C17orf107: variants seen among roughly 807,000 people sequenced by gnomAD.
The protein encoded by C17orf107 is uncharacterized protein C17orf107.
C17orf107 carries 9 observed loss-of-function variants against 8.9 expected under a neutral mutation model. The observed-to-expected ratio is 1.02, with a 90% CI of 0.61 to 1.77. The LOEUF (loss-of-function observed/expected upper bound fraction) is 1.77, where lower values mean the gene tolerates loss of function less well. Ranked by LOEUF, C17orf107 falls within the 40% of genes most tolerant of loss-of-function variation. The pLI, the probability that C17orf107 is intolerant of heterozygous loss-of-function variation, is 0.00. For synonymous variants in C17orf107, 139 were observed against 120.3 expected (o/e 1.16, Z -1.02); for missense variants, 281 against 249.0 (o/e 1.13, Z -0.86).
At chr17:4,899,899 C>G in intron 1 of C17orf107, 37 bp from the exon 2 acceptor site, 2 of 1,549,114 alleles carry the variant, frequency 1.3e-6, no homozygotes, top group Non-Finnish European at 1.7e-6. Context: ...CCCTGTGACC[C>G]CTGCCCTGCT....
downstream of C17orf107, among the ~76,000 whole-genome samples, chr17:4,904,550 C>A (rs539889281): frequency 5.3e-5 from 8 of 152,292 alleles, no homozygotes; most frequent in East Asian, 1.9e-4. Flanking sequence ...AGCATATTTT[C>A]TGCTTACATC....
chr17:4,900,801 G>C lies in C17orf107; in HGVS notation c.*268G>C. 1.2e-6 allele frequency: 2 copies of C among 1,613,738 alleles called. No individual in the cohort carries two copies. The highest frequency in any genetic ancestry group is 1.7e-6 in the Non-Finnish European group (2 of 1,179,800). On this transcript the variant is annotated 3_prime_UTR_variant, in exon 3 of 3. Transcript: ENST00000381365. ...GGGGGCTCCGGCTTCACCTGCCCAG[G>C]AGCGGCACGCTCAGAGAAGTCTCTG...
chr17:4,902,864 G>T lies in C17orf107; in HGVS notation c.*2331G>T. The T allele has an allele frequency of 6.3e-7, 1 of 1,583,200 alleles. No homozygotes were observed. The highest frequency in any genetic ancestry group is 1.3e-5 in the African/African-American group (1 of 74,322). On this transcript the variant is annotated 3_prime_UTR_variant, in exon 3 of 3. Transcript: ENST00000381365. This position sits in a 1 kb window ranked among gnomAD's most constrained non-coding sequence, Gnocchi z 4.0. Reference sequence around the variant, plus strand: ...GGTCCTCACAGGCCTCTGAGGCTGTGTACTATCAGTATCTGTCTCCTAAAC... The same window carrying T: ...GGTCCTCACAGGCCTCTGAGGCTGTTTACTATCAGTATCTGTCTCCTAAAC...
chr17:4,900,473 A>G lies in C17orf107; in HGVS notation c.513A>G (p.Gln171=), dbSNP rs746035995. ...CTGCCTCATTCCTGCGACAGTCGCAACAGCAGCTAGGCCTCGGAATCCCCG... is the reference window on the plus strand; with the variant it reads ...CTGCCTCATTCCTGCGACAGTCGCAGCAGCAGCTAGGCCTCGGAATCCCCG... ...QGSASFLRQS[Q]QQLGLGIPGE... The change falls in exon 3 of 3, where the codon CAA becomes CAG. Residue 171 remains glutamine, a synonymous_variant. Transcript: ENST00000381365. 35 of 1,551,008 alleles carry G rather than the reference A, an allele frequency of 2.3e-5. No homozygotes were observed. The highest frequency in any genetic ancestry group is 1.7e-4 in the Middle Eastern group (1 of 6,014).
In C17orf107 at chr17:4,902,167, C is replaced by G. The variant is rs759957588; in HGVS notation, c.*1634C>G. ...CCCCCTTCCCCAACCAAGTCCAGCC[C>G]GCACCCCAGGCCGGCTTCCCTCCAG... is the stretch of plus-strand genomic sequence containing the variant. On this transcript the variant is annotated 3_prime_UTR_variant, in exon 3 of 3. Transcript: ENST00000381365. The surrounding 1 kb of genome is among the most constrained non-coding windows in gnomAD (Gnocchi z 4.0). 1.5e-5 allele frequency: 24 copies of G among 1,613,618 alleles called. No homozygotes were observed. Among genetic ancestry groups the G allele is most frequent in the Non-Finnish European group, 2.0e-5 (24 of 1,179,566 alleles).
chr17:4,900,599 G>A lies in C17orf107; in HGVS notation c.*66G>A. On this transcript the variant is annotated 3_prime_UTR_variant, in exon 3 of 3. Coordinates refer to ENST00000381365, the MANE Select transcript of C17orf107 (RefSeq NM_001145536.2). ...TGTCCCCCAAGAGAGCTACTCGGGAGACCTCCAGGTGACGTCCAGCAGCAG... is the reference window on the plus strand; with the variant it reads ...TGTCCCCCAAGAGAGCTACTCGGGAAACCTCCAGGTGACGTCCAGCAGCAG... 5.8e-6 allele frequency: 9 copies of A among 1,539,202 alleles called. No individual in the cohort carries two copies. Among genetic ancestry groups the A allele is most frequent in the Non-Finnish European group, 7.9e-6 (9 of 1,138,740 alleles).
chr17:4,906,488 G>GA (rs542219490), downstream of C17orf107, among the ~76,000 whole-genome samples: 7 of 152,026 alleles, frequency 4.6e-5, no homozygotes, highest in Non-Finnish European at 8.8e-5. Context: ...GTGATTATGA[G>GA]AAAAAAAATC....
At chr17:4,904,355 G>T (rs145874931), downstream of C17orf107, among the ~76,000 whole-genome samples, 120 of 152,166 alleles carry the variant, frequency 7.9e-4, no homozygotes, top group African/African-American at 2.8e-3. Flanking sequence ...GAGCCACCAC[G>T]CCCGGCCTCA....
Position 4,900,107 on chromosome 17 carries a change from A to C in C17orf107, c.238A>C (p.Thr80Pro). 1.9e-6 allele frequency: 3 copies of C among 1,550,784 alleles called. No individual in the cohort carries two copies. The highest frequency in any genetic ancestry group is 2.6e-6 in the Non-Finnish European group (3 of 1,146,962). Residue 80 changes from threonine (T) to proline (P), a missense_variant, in exon 2 of 3, where the codon ACA becomes CCA. Transcript: ENST00000381365. ...CCTGGGGCTGGTGTTGAGAGAAGCC[A>C]CAGCCAGCCTCGTGAGCTTCGGCAC... ...PTLGLVLREA[T>P]ASLVSFGTTL...
chr17:4,900,128 G>C lies in C17orf107; in HGVS notation c.259G>C (p.Gly87Arg), dbSNP rs763019934. The C allele has an allele frequency of 7.1e-6, 11 of 1,550,412 alleles. No homozygotes were observed. In the Admixed American group the frequency reaches 1.8e-4, roughly 25 times the overall value. ...AGCCACAGCCAGCCTCGTGAGCTTC[G>C]GCACCACCTTGTTAGAGGTGGGGTA... ...REATASLVSF[G>R]TTLLEISALW... is the part of the protein sequence containing the mutation. The change falls in exon 2 of 3, where the codon GGC becomes CGC. Residue 87 changes from glycine (G) to arginine (R), a missense_variant. Coordinates refer to ENST00000381365, the MANE Select transcript of C17orf107 (RefSeq NM_001145536.2).
Position 4,902,380 on chromosome 17 carries a change from C to T in C17orf107, c.*1847C>T. ...GCCCTGCATCTCCCACCTGGCGCTGCCTGGGAGGGGTTTGGGGGAAAAGGG... is the reference window on the plus strand; with the variant it reads ...GCCCTGCATCTCCCACCTGGCGCTGTCTGGGAGGGGTTTGGGGGAAAAGGG... On this transcript the variant is annotated 3_prime_UTR_variant, in exon 3 of 3. Coordinates refer to ENST00000381365, the MANE Select transcript of C17orf107 (RefSeq NM_001145536.2). This position sits in a 1 kb window ranked among gnomAD's most constrained non-coding sequence, Gnocchi z 4.0. The T allele has an allele frequency of 6.2e-7, 1 of 1,613,454 alleles. No individual in the cohort carries two copies. The highest frequency in any genetic ancestry group is 8.5e-7 in the Non-Finnish European group (1 of 1,179,384).
At chr17:4,905,366 CAGTG>C (rs143412960), downstream of C17orf107, among the ~76,000 whole-genome samples, 4,166 of 151,962 alleles carry the variant, frequency 0.027, 206 homozygotes, top group African/African-American at 0.093. Context: ...CTGGGCAACA[CAGTG>C]AGACCCCCCA....
In C17orf107 at chr17:4,901,582, C is replaced by G. The variant is rs1198430909; in HGVS notation, c.*1049C>G. On this transcript the variant is annotated 3_prime_UTR_variant, in exon 3 of 3. Coordinates refer to ENST00000381365, the MANE Select transcript of C17orf107 (RefSeq NM_001145536.2). ...TTGATGGTCTTGCCGTCGTTGTCTACGGCAAAAGTGAACTCCACCTCTTCG... is the reference window on the plus strand; with the variant it reads ...TTGATGGTCTTGCCGTCGTTGTCTAGGGCAAAAGTGAACTCCACCTCTTCG... The G allele has an allele frequency of 8.1e-6, 13 of 1,614,042 alleles. No homozygotes were observed. Among genetic ancestry groups the G allele is most frequent in the Non-Finnish European group, 1.1e-5 (13 of 1,180,004 alleles).
downstream of C17orf107, among the ~76,000 whole-genome samples, chr17:4,903,367 A>AG (rs1180725682): frequency 6.6e-6 from 1 of 152,168 alleles, no homozygotes; most frequent in Non-Finnish European, 1.5e-5. Context: ...TTCTAGTAGC[A>AG]GGGGGTGGGA....
At chr17:4,904,583 C>A (rs1970066345), downstream of C17orf107, among the ~76,000 whole-genome samples, 1 of 152,144 alleles carries the variant, frequency 6.6e-6, no homozygotes, top group South Asian at 2.1e-4. Flanking sequence ...AGCAGTCCAG[C>A]AAAGCAATGA....
In C17orf107 at chr17:4,900,479, G is replaced by C; in HGVS notation, c.519G>C (p.Gln173His). ...CATTCCTGCGACAGTCGCAACAGCA[G>C]CTAGGCCTCGGAATCCCCGGAGAAC... Reference protein sequence around the residue: ...SASFLRQSQQQLGLGIPGEPV... With the variant: ...SASFLRQSQQHLGLGIPGEPV... The change falls in exon 3 of 3, where the codon CAG becomes CAC. Residue 173 changes from glutamine (Q) to histidine (H), a missense_variant. Coordinates refer to ENST00000381365, the MANE Select transcript of C17orf107 (RefSeq NM_001145536.2). 6.4e-7 allele frequency: 1 copy of C among 1,551,106 alleles called. No homozygotes were observed. The highest frequency in any genetic ancestry group is 8.7e-7 in the Non-Finnish European group (1 of 1,147,000).
In C17orf107 at chr17:4,899,776, C is replaced by G. The variant is rs558951496; in HGVS notation, c.14C>G (p.Pro5Arg). The G allele has an allele frequency of 9.0e-6, 14 of 1,551,348 alleles. No individual in the cohort carries two copies. In the African/African-American group the frequency reaches 1.4e-4, roughly 15 times the overall value. The change falls in exon 1 of 3, where the codon CCC (proline) becomes CGC (arginine). Residue 5 changes from proline to arginine, a missense_variant. Physicochemically the swap from Pro to Arg is moderately radical, Grantham distance 103. Transcript: ENST00000381365. MKGT[P>R]SSLDTLMWIY... is the part of the protein sequence containing the mutation. ...CTTGTGGCGGCCATGAAGGGGACCC[C>G]CAGCTCCCTGGACACCCTGATGTGG...
At position 4,901,239 on chromosome 17, in the gene C17orf107, C is replaced by T. The variant is rs1380175949; in HGVS notation, c.*706C>T. The T allele has an allele frequency of 6.3e-7, 1 of 1,581,086 alleles. No homozygotes were observed. Among genetic ancestry groups the T allele is most frequent in the South Asian group, 1.1e-5 (1 of 89,782 alleles). On this transcript the variant is annotated 3_prime_UTR_variant, in exon 3 of 3. Transcript: ENST00000381365. The stretch of plus-strand genomic sequence containing the variant: ...CTGGCTGTCAGAGCGGGGCGCCCGC[C>T]GAGCTGACAGCGGGCTGAAGAGGAG...
In C17orf107 at chr17:4,899,631, G is replaced by C; in HGVS notation, c.-132G>C. 1 of 1,487,392 alleles carries C rather than the reference G, an allele frequency of 6.7e-7. No individual in the cohort carries two copies. 92.1% of individuals were successfully genotyped at this position (1,487,392 alleles called of 1,614,324 possible). ...ATCACCGTTCCTCCTCCCAGCTACC[G>C]AAGGCGCCGCGCGCTGACCTCACAA... On this transcript the variant is annotated 5_prime_UTR_variant, in exon 1 of 3. Transcript: ENST00000381365.
Sources: allele counts gnomAD v4.1 joint callset (sites outside exome capture counted in the v4.1 genomes callset), GRCh38; gene constraint gnomAD v4.1.1; non-coding constraint Gnocchi (gnomAD v3.1); transcripts MANE v1.5; gene names NCBI Gene and HGNC (gene_info 2026-07-23, HGNC 2026-07-21).